The following ROBO2 variants were observed in gnomAD, a reference collection of about 807,000 sequenced individuals.
The protein encoded by ROBO2 is roundabout homolog 2.
Under a neutral mutation model 160.8 loss-of-function variants are expected in ROBO2, and 53 were observed. The observed-to-expected ratio is 0.33, with a 90% confidence interval of 0.26 to 0.41. The LOEUF (loss-of-function observed/expected upper bound fraction) is 0.41, where lower values mean the gene tolerates loss of function less well. Among genes scored for constraint, ROBO2 ranks in the 10% least tolerant of loss-of-function variants. The pLI, the probability that ROBO2 is intolerant of heterozygous loss-of-function variation, is 1.00. For synonymous variants in ROBO2, 664 were observed against 611.7 expected (o/e 1.09, Z -1.26); for missense variants, 1,577 against 1,722.4 (o/e 0.92, Z 1.49).
chr3:77,575,483 T>C (rs2093738969), intron 14 of ROBO2, among the ~76,000 whole-genome samples: 1 of 152,116 alleles, frequency 6.6e-6, no homozygotes, highest in Non-Finnish European at 1.5e-5. Context: ...AAGAGAAGCC[T>C]TTAAAAAATG....
chr3:77,370,749 A>C (rs2071628953), intron 2 of ROBO2, among the ~76,000 whole-genome samples: 1 of 77,352 alleles, frequency 1.3e-5, no homozygotes, highest in Non-Finnish European at 2.7e-5. Flanking sequence ...GATGAAAGGC[A>C]AGTGTCAGTG....
intron 6 of ROBO2, among the ~76,000 whole-genome samples, chr3:77,545,200 A>T (rs1327475634): frequency 6.6e-6 from 1 of 152,086 alleles, no homozygotes; most frequent in Non-Finnish European, 1.5e-5. Context: ...CTTAGAAAAA[A>T]ATCAGAATAA....
intron 20 of ROBO2, chr3:77,603,652 T>C (rs983125237): frequency 2.0e-5 from 3 of 152,466 alleles, no homozygotes; most frequent in African/African-American, 4.8e-5. Flanking sequence ...TCAGCTAAAC[T>C]GACAATCTAT....
At chr3:77,041,394 C>G (rs1388912685) in intron 1 of ROBO2, among the ~76,000 whole-genome samples, 2 of 152,168 alleles carry the variant, frequency 1.3e-5, no homozygotes, top group East Asian at 3.9e-4. Context: ...AAAAGTGAGA[C>G]TGGGCGAGGC....
chr3:76,002,475 G>T (rs2065913933), intron 2 of ROBO2, among the ~76,000 whole-genome samples: 1 of 151,966 alleles, frequency 6.6e-6, no homozygotes, highest in Admixed American at 6.6e-5. Flanking sequence ...TGAATCACGG[G>T]GGCAGTTTCC....
chr3:76,298,756 T>G (rs1576311131), intron 2 of ROBO2, among the ~76,000 whole-genome samples: 1 of 152,212 alleles, frequency 6.6e-6, no homozygotes, highest in Non-Finnish European at 1.5e-5. Flanking sequence ...TGGTTAGTCA[T>G]AGAGCCAGGA....
intron 2 of ROBO2, among the ~76,000 whole-genome samples, chr3:76,224,923 A>C (rs1704192677): frequency 6.6e-6 from 1 of 152,192 alleles, no homozygotes; most frequent in Admixed American, 6.5e-5. Flanking sequence ...AACTGTGAGC[A>C]ATCTTTTTAG....
At chr3:76,924,477 G>C (rs1245233929) in intron 2 of ROBO2, among the ~76,000 whole-genome samples, 2 of 152,140 alleles carry the variant, frequency 1.3e-5, no homozygotes, top group Non-Finnish European at 2.9e-5. Flanking sequence ...TTGATCTTGG[G>C]CTTCCTATCC....
intron 2 of ROBO2, among the ~76,000 whole-genome samples, chr3:75,992,599 C>A (rs2065606352): frequency 6.6e-6 from 1 of 152,124 alleles, no homozygotes; most frequent in South Asian, 2.1e-4. Context: ...GGAGTTGGAG[C>A]CCCCACAGAG....
intron 2 of ROBO2, among the ~76,000 whole-genome samples, chr3:77,213,784 G>T (rs1264343916): frequency 6.6e-6 from 1 of 151,908 alleles, no homozygotes; most frequent in Admixed American, 6.6e-5. Context: ...TTGTGTCTTT[G>T]TTCTCGTTGG....
At chr3:76,375,547 G>C (rs1272838839) in intron 2 of ROBO2, among the ~76,000 whole-genome samples, 1 of 151,940 alleles carries the variant, frequency 6.6e-6, no homozygotes, top group East Asian at 1.9e-4. Flanking sequence ...AAAGCCTACA[G>C]CTAAGTTGTT....
chr3:77,083,012 A>G (rs951989578), intron 1 of ROBO2, among the ~76,000 whole-genome samples: 2 of 152,156 alleles, frequency 1.3e-5, no homozygotes, highest in Non-Finnish European at 2.9e-5. Flanking sequence ...ACCTGATTTC[A>G]ATATGGGCAG....
intron 23 of ROBO2, chr3:77,634,082 T>A (rs961191676): frequency 2.6e-5 from 4 of 152,136 alleles, no homozygotes; most frequent in Non-Finnish European, 5.9e-5. Context: ...GGTATTGAAA[T>A]CATAAGTTGT....
intron 2 of ROBO2, among the ~76,000 whole-genome samples, chr3:76,664,308 T>A (rs541925103): frequency 6.6e-6 from 1 of 152,252 alleles, no homozygotes; most frequent in South Asian, 2.1e-4. Flanking sequence ...GAAGCTGTCT[T>A]AAGTGCTTAG....
intron 2 of ROBO2, among the ~76,000 whole-genome samples, chr3:76,445,896 A>C (rs1434705445): frequency 6.6e-6 from 1 of 152,194 alleles, no homozygotes; most frequent in East Asian, 1.9e-4. Flanking sequence ...ATCTCAAAAT[A>C]ATAAGAGCTA....
chr3:76,218,710 C>A (rs1267629873), intron 2 of ROBO2, among the ~76,000 whole-genome samples: 10 of 152,044 alleles, frequency 6.6e-5, no homozygotes. Context: ...GGTAGGAAGA[C>A]TCAATATCGT....
chr3:77,521,405 C>A (rs2090584714), intron 5 of ROBO2, among the ~76,000 whole-genome samples: 1 of 151,166 alleles, frequency 6.6e-6, no homozygotes, highest in African/African-American at 2.4e-5. Flanking sequence ...GATAACAATA[C>A]AAAATGTAAC....
intron 5 of ROBO2, among the ~76,000 whole-genome samples, chr3:77,504,898 A>T (rs2088245101): frequency 6.6e-6 from 1 of 152,156 alleles, no homozygotes; most frequent in Admixed American, 6.6e-5. Flanking sequence ...GAAACTAGAG[A>T]TAGGTCTGAA....
intron 2 of ROBO2, among the ~76,000 whole-genome samples, chr3:75,951,697 T>A (rs1357470282): frequency 6.6e-6 from 1 of 152,038 alleles, no homozygotes; most frequent in East Asian, 1.9e-4. Context: ...CAGAAATATA[T>A]GAAAACTACT....
Sources: allele counts gnomAD v4.1 joint callset (sites outside exome capture counted in the v4.1 genomes callset), GRCh38; gene constraint gnomAD v4.1.1; transcripts MANE v1.5; gene names NCBI Gene and HGNC (gene_info 2026-07-23, HGNC 2026-07-21).